Variants in FUBP3 observed in about 807,000 individuals in gnomAD.
The protein encoded by FUBP3 is far upstream element binding protein 3, also known as far upstream element-binding protein 3.
In FUBP3, 28 loss-of-function variants were observed where a neutral mutation model predicts 85.6. The observed-to-expected ratio is 0.33, with a 90% confidence interval of 0.24 to 0.45. The LOEUF (loss-of-function observed/expected upper bound fraction) is 0.45, where lower values mean the gene tolerates loss of function less well. Ranked by LOEUF, FUBP3 falls within the 20% of genes least tolerant of loss-of-function variation. The pLI, the probability that FUBP3 is intolerant of heterozygous loss-of-function variation, is 1.00. For synonymous variants in FUBP3, 271 were observed against 271.4 expected (o/e 1.00, Z 0.01); for missense variants, 583 against 755.1 (o/e 0.77, Z 2.67).
intron 2 of FUBP3, among the ~76,000 whole-genome samples, chr9:130,604,928 A>C (rs999199209): frequency 2.0e-5 from 3 of 151,160 alleles, no homozygotes; most frequent in African/African-American, 7.3e-5. Flanking sequence ...AAGAAATACC[A>C]CTCCCAATGT....
At chr9:130,625,832 C>G (rs1464152863) in intron 11 of FUBP3, among the ~76,000 whole-genome samples, 1 of 152,104 alleles carries the variant, frequency 6.6e-6, no homozygotes, top group Admixed American at 6.6e-5. Flanking sequence ...TGCTTGGGGG[C>G]ACAACAGCCA....
At chr9:130,624,900 A>G (rs977713740) in intron 11 of FUBP3, among the ~76,000 whole-genome samples, 6 of 152,030 alleles carry the variant, frequency 3.9e-5, no homozygotes, top group Non-Finnish European at 4.4e-5. Context: ...AGCCTGACCA[A>G]CATGGTGAAA....
At chr9:130,631,874 G>A (rs2119125913) in intron 14 of FUBP3, 68 bp from the exon 15 acceptor site, 1 of 1,184,900 alleles carries the variant, frequency 8.4e-7, no homozygotes. Context: ...GTGCCCTGGG[G>A]CTGCGGGGAG....
chr9:130,636,948 G>C, intron 18 of FUBP3, 66 bp from the exon 19 acceptor site: 1 of 1,432,366 alleles, frequency 7.0e-7, no homozygotes, highest in African/African-American at 1.4e-5. Flanking sequence ...ACCTGGGGGA[G>C]GTCACTGGCA....
intron 2 of FUBP3, among the ~76,000 whole-genome samples, chr9:130,603,485 C>G (rs1021614383): frequency 2.6e-5 from 4 of 152,122 alleles, no homozygotes; most frequent in African/African-American, 9.7e-5. Flanking sequence ...CTCCCTTCAC[C>G]CATCTATGCA....
chr9:130,603,778 TAA>T (rs111559820), intron 2 of FUBP3, among the ~76,000 whole-genome samples: 5 of 152,260 alleles, frequency 3.3e-5, no homozygotes, highest in African/African-American at 1.2e-4. Context: ...GTTGCCAAAT[TAA>T]AAGAGGATTC....
chr9:130,581,853 G>C (rs138106489), intron 1 of FUBP3: 3 of 152,300 alleles, frequency 2.0e-5, no homozygotes, highest in African/African-American at 7.2e-5. Flanking sequence ...CTAGCAGATC[G>C]TAATACTCTC....
At chr9:130,585,088 A>G (rs1830285136) in intron 1 of FUBP3, among the ~76,000 whole-genome samples, 1 of 152,118 alleles carries the variant, frequency 6.6e-6, no homozygotes, top group Non-Finnish European at 1.5e-5. Flanking sequence ...TGAACCTGGG[A>G]GACAGAGGTT....
chr9:130,589,705 A>ATTTTTTTTTTTTTT (rs779633795), intron 1 of FUBP3, among the ~76,000 whole-genome samples: 1 of 73,838 alleles, frequency 1.4e-5, no homozygotes, highest in African/African-American at 7.7e-5. Context: ...ATATATATAT[A>ATTTTTTTTTTTTTT]TTTTTTTTTT....
Position 130,626,396 on chromosome 9 carries a change from C to T in FUBP3, c.1008C>T (p.Ala336=). Reference sequence around the variant, plus strand: ...ACGGCTTTGGAGGCCTGGCAGCAGCCAGAGGAAGAGGTCGTGGCCGTGGCG... The same window carrying T: ...ACGGCTTTGGAGGCCTGGCAGCAGCTAGAGGAAGAGGTCGTGGCCGTGGCG... The part of the protein sequence containing the change: ...ERDGFGGLAA[A]RGRGRGRGDW... The change falls in exon 12 of 19, where the codon GCC becomes GCT. Residue 336 remains alanine, a synonymous_variant. Transcript: ENST00000319725. 2 of 1,613,826 alleles carry T rather than the reference C, an allele frequency of 1.2e-6. No homozygotes were observed. Among genetic ancestry groups the T allele is most frequent in the South Asian group, 2.2e-5 (2 of 91,028 alleles).
chr9:130,618,534 G>A (rs1416930944), intron 8 of FUBP3, among the ~76,000 whole-genome samples: 3 of 152,226 alleles, frequency 2.0e-5, no homozygotes, highest in Non-Finnish European at 4.4e-5. Context: ...TATCCCCTGG[G>A]GTGGTCCTGT....
At chr9:130,614,372 T>G in intron 6 of FUBP3, 27 bp downstream of exon 6, 1 of 1,400,970 alleles carries the variant, frequency 7.1e-7, no homozygotes, top group Non-Finnish European at 1.0e-6. Flanking sequence ...TACTTTTTCT[T>G]TCACTCTTCT....
At chr9:130,628,148 T>C (rs1448744255) in intron 12 of FUBP3, among the ~76,000 whole-genome samples, 2 of 151,746 alleles carry the variant, frequency 1.3e-5, no homozygotes, top group East Asian at 3.9e-4. Context: ...TCAGGGCCCA[T>C]GTGAGACATC....
intron 13 of FUBP3, 39 bp from the exon 14 acceptor site, chr9:130,631,518 A>C: frequency 6.4e-7 from 1 of 1,566,620 alleles, no homozygotes; most frequent in Non-Finnish European, 8.8e-7. Flanking sequence ...AGAGGTGTGC[A>C]ACCAACAGCG....
At position 130,623,492 on chromosome 9, in the gene FUBP3, G is replaced by A. The variant is rs187091452; in HGVS notation, c.875-119G>A. On this transcript the variant is annotated intron_variant, in intron 10 of 18. Coordinates refer to ENST00000319725, the MANE Select transcript of FUBP3 (RefSeq NM_003934.2). The stretch of plus-strand genomic sequence containing the variant: ...TCCAAAAGAGTCCCTGCAGCTGGCA[G>A]TATTCCTGTTGCCCCTTTTGGCACC... 38 of 683,464 alleles carry A rather than the reference G, an allele frequency of 5.6e-5. No individual in the cohort carries two copies. In the African/African-American group the frequency reaches 6.2e-4, roughly 11 times the overall value. The allele number at this position is 683,464 out of a possible 1,614,324, so 42.3% of individuals were successfully genotyped here.
intron 11 of FUBP3, among the ~76,000 whole-genome samples, chr9:130,625,632 G>A (rs1177310787): frequency 3.3e-5 from 5 of 152,204 alleles, no homozygotes; most frequent in African/African-American, 7.2e-5. Flanking sequence ...ACTTGCTGCT[G>A]TCTCAATGAA....
chr9:130,590,731 TA>T (rs1363188189), intron 1 of FUBP3, among the ~76,000 whole-genome samples: 1 of 152,222 alleles, frequency 6.6e-6, no homozygotes, highest in Non-Finnish European at 1.5e-5. Context: ...AGTCAGGCTT[TA>T]TTTAAGTCCT....
chr9:130,589,668 TGTGTGTGTATA>T lies in FUBP3; in HGVS notation c.85-5814_85-5804del, dbSNP rs1830499561. Among the ~76,000 whole-genome samples the T allele has an allele frequency of 2.0e-5, 2 of 100,778 alleles. 1 individual carries two copies. 66.1% of individuals were successfully genotyped at this position (100,778 alleles called of 152,430 possible). A position where few individuals can be genotyped will look rare whatever the true frequency, so the allele number is the denominator to read the frequency against. ...CAGATTTATTTTAAATATGTATGTA[TGTGTGTGTATA>T]TATATATATATATATATATATATAT... On this transcript the variant is annotated intron_variant, in intron 1 of 18. Transcript: ENST00000319725.
At position 130,598,877 on chromosome 9, in the gene FUBP3, G is replaced by C. The variant is rs570689923; in HGVS notation, c.190+3289G>C. ...TGGCCATCTCCTCTTAGAATTCCTA[G>C]AGATGCCCAGCATGGTGGCTCACAC... On this transcript the variant is annotated intron_variant, in intron 2 of 18. Transcript: ENST00000319725. Among the ~76,000 whole-genome samples the C allele has an allele frequency of 7.5e-4, 114 of 152,174 alleles. 1 individual carries two copies. The highest frequency in any genetic ancestry group is 1.4e-3 in the Non-Finnish European group (94 of 68,018).
Sources: gnomAD v4.1 joint callset for allele counts (sites outside exome capture counted in the v4.1 genomes callset) on GRCh38, gnomAD v4.1.1 for gene constraint, MANE v1.5 for transcripts, NCBI Gene and HGNC (gene_info 2026-07-23, HGNC 2026-07-21) for gene names.